HEATR5B: variants seen among roughly 807,000 people sequenced by gnomAD.
HEATR5B encodes the protein HEAT repeat-containing protein 5B.
Under a neutral mutation model 224.1 loss-of-function variants are expected in HEATR5B, and 156 were observed. The observed-to-expected ratio is 0.70, with a 90% CI of 0.61 to 0.80. HEATR5B has a LOEUF of 0.80. Among genes scored for constraint, HEATR5B ranks in the 30% least tolerant of loss-of-function variants. The pLI is 0.00. For synonymous variants in HEATR5B, 1,027 were observed against 893.0 expected (o/e 1.15, Z -2.68); for missense variants, 2,323 against 2,535.5 (o/e 0.92, Z 1.80).
intron 2 of HEATR5B, among the ~76,000 whole-genome samples, chr2:37,082,210 C>G (rs993437429): frequency 4.0e-5 from 6 of 151,560 alleles, no homozygotes; most frequent in South Asian, 2.1e-4. Flanking sequence ...GCTGGGATTA[C>G]AGGCGCCCAC....
intron 22 of HEATR5B, among the ~76,000 whole-genome samples, chr2:37,029,910 G>T (rs1669014023): frequency 6.7e-6 from 1 of 150,070 alleles, no homozygotes; most frequent in Admixed American, 6.6e-5. Context: ...CTACACTCCA[G>T]CTGGGTGATA....
In HEATR5B at chr2:37,062,004, T is replaced by A. The variant is rs1415990977; in HGVS notation, c.1631A>T (p.Asn544Ile). The change falls in exon 11 of 36, where the codon AAT becomes ATT. Residue 544 changes from asparagine to isoleucine, a missense_variant. Coordinates refer to ENST00000233099, the MANE Select transcript of HEATR5B (RefSeq NM_019024.3). ...AEDLLRTAAQ[N>I]SRLSLQRTQA... Reference sequence around the variant, plus strand: ...GGTGCGCTGTAAAGATAGCCTGCTATTTTGGGCAGCAGTTCGTAAAAGATC... The same window carrying A: ...GGTGCGCTGTAAAGATAGCCTGCTAATTTGGGCAGCAGTTCGTAAAAGATC... 8 of 1,613,806 alleles carry A rather than the reference T, an allele frequency of 5.0e-6. No homozygotes were observed. The highest frequency in any genetic ancestry group is 6.8e-6 in the Non-Finnish European group (8 of 1,179,838).
chr2:37,031,608 C>T (rs1282427530), intron 22 of HEATR5B, among the ~76,000 whole-genome samples: 1 of 151,874 alleles, frequency 6.6e-6, no homozygotes, highest in Non-Finnish European at 1.5e-5. Context: ...TCTGTAACTA[C>T]TTTTGGTGAT....
At chr2:37,062,184 T>C (rs1671323733) in intron 10 of HEATR5B, 134 bp from the exon 11 acceptor site, 2 of 550,132 alleles carry the variant, frequency 3.6e-6, no homozygotes, top group Non-Finnish European at 6.5e-6. Context: ...CCTAGCACTT[T>C]GGGAGGCTGA....
At chr2:36,998,654 GAAT>G (rs1666884247) in intron 33 of HEATR5B, among the ~76,000 whole-genome samples, 1 of 152,096 alleles carries the variant, frequency 6.6e-6, no homozygotes, top group Non-Finnish European at 1.5e-5. Context: ...ACAGGGAAAT[GAAT>G]AATAATTGAT....
At chr2:36,984,200 C>CAAAAA (rs1208435239) in intron 35 of HEATR5B, among the ~76,000 whole-genome samples, 3 of 29,016 alleles carry the variant, frequency 1.0e-4, no homozygotes, top group African/African-American at 1.6e-4. Context: ...AACTCTGTCT[C>CAAAAA]AAAAAAAAAA....
rs759952399 is a variant in HEATR5B at position 37,072,176 on chromosome 2, G to A, written c.703C>T (p.Arg235Ter). The part of the protein sequence containing the change: ...KALENSNYGV[R>*]VAVSKLLGTV... Reference sequence around the variant, plus strand: ...CCTAAAAGTTTAGACACTGCCACTCGTACCCCATAATTTGAGTTTTCCAAA... The same window carrying A: ...CCTAAAAGTTTAGACACTGCCACTCATACCCCATAATTTGAGTTTTCCAAA... Residue 235 changes from arginine to a stop codon, truncating the protein, a stop_gained, in exon 6 of 36, where the codon CGA (arginine) becomes TGA (stop). Coordinates refer to ENST00000233099, the MANE Select transcript of HEATR5B (RefSeq NM_019024.3). LOFTEE classifies it high-confidence loss of function. 6.2e-7 allele frequency: 1 copy of A among 1,613,732 alleles called. No individual in the cohort carries two copies. The highest frequency in any genetic ancestry group is 8.5e-7 in the Non-Finnish European group (1 of 1,179,714).
intron 30 of HEATR5B, 30 bp downstream of exon 30, chr2:37,005,602 A>G (rs775760289): frequency 3.7e-5 from 60 of 1,600,616 alleles, no homozygotes; most frequent in Non-Finnish European, 1.7e-6. Context: ...AAAAAACCAC[A>G]CAAGTATCTA....
chr2:36,988,543 T>C, intron 35 of HEATR5B, 103 bp downstream of exon 35: 3 of 979,544 alleles, frequency 3.1e-6, no homozygotes, highest in Non-Finnish European at 4.5e-6. Context: ...TCCCAAAGTG[T>C]AAGCCACTGC....
chr2:37,015,504 A>T (rs958771950), intron 26 of HEATR5B, among the ~76,000 whole-genome samples: 7 of 152,244 alleles, frequency 4.6e-5, no homozygotes, highest in Non-Finnish European at 7.3e-5. Flanking sequence ...AAATCCCAGG[A>T]TATGGAAACT....
At chr2:37,000,091 CAG>C (rs1324954974) in intron 33 of HEATR5B, among the ~76,000 whole-genome samples, 2 of 151,778 alleles carry the variant, frequency 1.3e-5, no homozygotes, top group African/African-American at 4.8e-5. Context: ...TTTTTTGAGA[CAG>C]AGTTTCAAAA....
intron 18 of HEATR5B, among the ~76,000 whole-genome samples, chr2:37,046,265 G>C (rs111442706): frequency 6.6e-6 from 1 of 152,136 alleles, no homozygotes; most frequent in African/African-American, 2.4e-5. Context: ...AGCCTAAAAA[G>C]CAATTTGGTT....
intron 16 of HEATR5B, 113 bp downstream of exon 16, chr2:37,056,327 T>A: frequency 1.4e-6 from 1 of 695,144 alleles, no homozygotes; most frequent in Admixed American, 3.3e-5. Flanking sequence ...GAGTACTGTT[T>A]TAAGTATTAT....
Position 36,990,815 on chromosome 2 carries a change from G to GA in HEATR5B, c.5546-17dup, listed in dbSNP as rs1558696467. The GA allele has an allele frequency of 6.5e-7, 1 of 1,536,860 alleles. No homozygotes were observed. On this transcript the variant is annotated splice_polypyrimidine_tract_variant and intron_variant, in intron 33 of 35. Coordinates refer to ENST00000233099, the MANE Select transcript of HEATR5B (RefSeq NM_019024.3). ...ACAGAGTCTTCTGAAAATGAAAAATGAAAGAAGTGTGCTGTTTCTAAAACA... is the reference window on the plus strand; with the variant it reads ...ACAGAGTCTTCTGAAAATGAAAAATGAAAAGAAGTGTGCTGTTTCTAAAACA...
intron 35 of HEATR5B, among the ~76,000 whole-genome samples, chr2:36,984,237 T>TA (rs1553411544): frequency 1.8e-5 from 2 of 112,040 alleles, no homozygotes; most frequent in African/African-American, 6.5e-5. Flanking sequence ...TATATATATA[T>TA]AAAACTGGAA....
At chr2:37,065,647 C>G (rs1671544252) in intron 9 of HEATR5B, 108 bp downstream of exon 9, 4 of 938,206 alleles carry the variant, frequency 4.3e-6, no homozygotes, top group Non-Finnish European at 6.5e-6. Context: ...ACCTGATGAT[C>G]TGAAGTGCTA....
At chr2:37,046,097 T>G (rs998038417) in intron 18 of HEATR5B, among the ~76,000 whole-genome samples, 5 of 152,184 alleles carry the variant, frequency 3.3e-5, no homozygotes, top group African/African-American at 1.2e-4. Context: ...GTAAACTTCA[T>G]TTTGAACAAT....
chr2:37,065,551 T>C (rs1296410621), intron 9 of HEATR5B, among the ~76,000 whole-genome samples: 3 of 152,172 alleles, frequency 2.0e-5, no homozygotes, highest in African/African-American at 7.2e-5. Flanking sequence ...TCAAGTGACC[T>C]GCCCACCAGG....
intron 28 of HEATR5B, among the ~76,000 whole-genome samples, chr2:37,007,589 C>T (rs578122339): frequency 6.6e-6 from 1 of 152,244 alleles, no homozygotes; most frequent in Non-Finnish European, 1.5e-5. Flanking sequence ...CCCGCCTCAG[C>T]CTCCCAAAGT....
Sources: allele counts gnomAD v4.1 joint callset (sites outside exome capture counted in the v4.1 genomes callset), GRCh38; gene constraint gnomAD v4.1.1; transcripts MANE v1.5; gene names NCBI Gene and HGNC (gene_info 2026-07-23, HGNC 2026-07-21).